The following GMDS variants were observed in gnomAD, a reference collection of about 807,000 sequenced individuals.
GMDS encodes the protein GDP-mannose 4,6 dehydratase.
A neutral mutation model predicts 49.9 loss-of-function variants in GMDS; 20 were observed. The ratio of observed to expected loss-of-function variants is 0.40; its 90% CI spans 0.28 to 0.58. GMDS has a LOEUF of 0.58. Ranked by LOEUF, GMDS falls within the 20% of genes least tolerant of loss-of-function variation. The pLI is 0.42. For synonymous variants in GMDS, 177 were observed against 178.6 expected, an observed-to-expected ratio of 0.99 and a Z score of 0.07; for missense variants, 362 against 481.4, an observed-to-expected ratio of 0.75 and a Z score of 2.32.
chr6:1,893,243 G>T lies in GMDS; in HGVS notation c.771+36860C>A, dbSNP rs558795963. Among the ~76,000 whole-genome samples the T allele has an allele frequency of 9.4e-5, 14 of 148,870 alleles. No homozygotes were observed. In the East Asian group the frequency reaches 2.7e-3, roughly 29 times the overall value. ...GAGTCTGACTCTGTCACCCAGGCTG[G>T]AGTGCAGTGGCGCGATGTCAGCTCA... is the stretch of plus-strand genomic sequence containing the variant. On this transcript the variant is annotated intron_variant, in intron 7 of 10. Coordinates refer to ENST00000380815, the MANE Select transcript of GMDS (RefSeq NM_001500.4).
chr6:1,955,017 T>C (rs1219416967), intron 6 of GMDS, among the ~76,000 whole-genome samples: 2 of 151,944 alleles, frequency 1.3e-5, no homozygotes, highest in Non-Finnish European at 2.9e-5. Flanking sequence ...GATATAATAA[T>C]AATCAGAAGT....
intron 4 of GMDS, among the ~76,000 whole-genome samples, chr6:2,033,369 A>G (rs930481265): frequency 4.6e-5 from 7 of 152,184 alleles, no homozygotes; most frequent in Non-Finnish European, 2.9e-5. Flanking sequence ...CATCTATCAT[A>G]TTAATTGATT....
chr6:2,163,419 ATGTG>A (rs553648208), intron 1 of GMDS, among the ~76,000 whole-genome samples: 1 of 146,630 alleles, frequency 6.8e-6, no homozygotes, highest in East Asian at 1.9e-4. Context: ...GTGTGTGTCT[ATGTG>A]TGTGTGTGTG....
Position 2,149,690 on chromosome 6 carries a change from A to C in GMDS, c.103-24959T>G, listed in dbSNP as rs75781129. ...GTGCATTTACAAAGAGGGCTTTAAA[A>C]AGCGTTAGAATAAATTACTTTGAAG... is the stretch of plus-strand genomic sequence containing the variant. On this transcript the variant is annotated intron_variant, in intron 1 of 10. Transcript: ENST00000380815. 4.1e-3 allele frequency among the ~76,000 whole-genome samples: 622 copies of C among 152,348 alleles called. 5 individuals carry two copies. Among genetic ancestry groups the C allele is most frequent in the African/African-American group, 0.014 (592 of 41,576 alleles).
chr6:2,039,737 C>T (rs1769539238), intron 4 of GMDS, among the ~76,000 whole-genome samples: 1 of 152,066 alleles, frequency 6.6e-6, no homozygotes, highest in Non-Finnish European at 1.5e-5. Context: ...AAGGAGCTGT[C>T]GTCTCCTATG....
At position 1,640,206 on chromosome 6, in the gene GMDS, T is replaced by C. The variant is rs973567233; in HGVS notation, c.988-15666A>G. Among the ~76,000 whole-genome samples the C allele has an allele frequency of 2.8e-4, 42 of 152,180 alleles. No individual in the cohort carries two copies. The highest frequency in any genetic ancestry group is 9.9e-4 in the African/African-American group (41 of 41,436). On this transcript the variant is annotated intron_variant, in intron 9 of 10. Transcript: ENST00000380815. The surrounding 1 kb of genome is among the most constrained non-coding windows in gnomAD (Gnocchi z 4.0). ...GCTCCCCCACATCACTCTTCAGTTCTAGCAATCTGCTGCCCTCCTCATGCA... is the reference window on the plus strand; with the variant it reads ...GCTCCCCCACATCACTCTTCAGTTCCAGCAATCTGCTGCCCTCCTCATGCA...
At chr6:1,681,605 T>C (rs1291825179) in intron 9 of GMDS, among the ~76,000 whole-genome samples, 3 of 152,198 alleles carry the variant, frequency 2.0e-5, no homozygotes, top group Non-Finnish European at 4.4e-5. Flanking sequence ...GCCAGCTCCC[T>C]GGCAGCCCCA....
At chr6:2,236,155 C>T (rs1418969630) in intron 1 of GMDS, among the ~76,000 whole-genome samples, 1 of 152,196 alleles carries the variant, frequency 6.6e-6, no homozygotes, top group African/African-American at 2.4e-5. Flanking sequence ...TGGGGTTTCC[C>T]AATCTCAGAT....
intron 4 of GMDS, among the ~76,000 whole-genome samples, chr6:2,087,830 A>G (rs1241974133): frequency 2.6e-5 from 4 of 152,158 alleles, no homozygotes; most frequent in African/African-American, 9.7e-5. Flanking sequence ...AGAATGTTAG[A>G]TTGAGTGAAG....
At chr6:1,765,715 G>A (rs1451297164) in intron 7 of GMDS, among the ~76,000 whole-genome samples, 2 of 152,100 alleles carry the variant, frequency 1.3e-5, no homozygotes, top group Non-Finnish European at 2.9e-5. Context: ...TAAATGAAAC[G>A]GCAGAAGCTT....
At chr6:1,811,515 T>C (rs1056439354) in intron 7 of GMDS, among the ~76,000 whole-genome samples, 1 of 151,906 alleles carries the variant, frequency 6.6e-6, no homozygotes, top group Non-Finnish European at 1.5e-5. Context: ...AGACACAAAA[T>C]CTTATTTGTA....
chr6:1,806,678 C>T lies in GMDS; in HGVS notation c.772-64092G>A, dbSNP rs540163941. Among the ~76,000 whole-genome samples, 6 of 152,296 alleles carry T rather than the reference C, an allele frequency of 3.9e-5. No homozygotes were observed. In the South Asian group the frequency reaches 1.2e-3, roughly 32 times the overall value. ...TCTAGGTTAGAATTTAGGATTCTTA[C>T]ATATCAAAATGAGAAAGAGGCTCTG... On this transcript the variant is annotated intron_variant, in intron 7 of 10. Coordinates refer to ENST00000380815, the MANE Select transcript of GMDS (RefSeq NM_001500.4).
intron 7 of GMDS, among the ~76,000 whole-genome samples, chr6:1,794,113 G>A (rs1769647669): frequency 6.6e-6 from 1 of 152,168 alleles, no homozygotes; most frequent in Non-Finnish European, 1.5e-5. Flanking sequence ...ATCTATCTGA[G>A]GAGTTTATCC....
At chr6:1,828,032 G>C (rs1013484763) in intron 7 of GMDS, among the ~76,000 whole-genome samples, 2 of 152,030 alleles carry the variant, frequency 1.3e-5, no homozygotes, top group African/African-American at 4.8e-5. Context: ...AAGATCTAGG[G>C]TAAGTCATGG....
chr6:1,889,946 T>G (rs1284031908), intron 7 of GMDS, among the ~76,000 whole-genome samples: 1 of 152,174 alleles, frequency 6.6e-6, no homozygotes, highest in Non-Finnish European at 1.5e-5. Flanking sequence ...CATTAGTGCT[T>G]TTTATGGTTG....
intron 4 of GMDS, among the ~76,000 whole-genome samples, chr6:2,094,844 A>G (rs1276441019): frequency 6.6e-6 from 1 of 152,224 alleles, no homozygotes; most frequent in African/African-American, 2.4e-5. Flanking sequence ...AGACCCCTGC[A>G]CTATATAAAA....
intron 4 of GMDS, among the ~76,000 whole-genome samples, chr6:2,102,919 G>A (rs930897666): frequency 3.3e-5 from 5 of 152,158 alleles, no homozygotes; most frequent in African/African-American, 7.2e-5. Flanking sequence ...TTTTCAAACC[G>A]CCTACACTAC....
At chr6:1,678,437 G>A (rs1420989735) in intron 9 of GMDS, among the ~76,000 whole-genome samples, 1 of 152,160 alleles carries the variant, frequency 6.6e-6, no homozygotes, top group Non-Finnish European at 1.5e-5. Context: ...TGGTTCCCTG[G>A]TGACCTTGAT....
intron 1 of GMDS, among the ~76,000 whole-genome samples, chr6:2,219,163 C>A (rs766847503): frequency 3.3e-5 from 5 of 152,058 alleles, no homozygotes; most frequent in Admixed American, 1.3e-4. Flanking sequence ...GGGGAGGTGG[C>A]GGACAGGCAT....
Sources: gnomAD v4.1 joint callset for allele counts (sites outside exome capture counted in the v4.1 genomes callset) on GRCh38, gnomAD v4.1.1 for gene constraint, Gnocchi (gnomAD v3.1) non-coding constraint, MANE v1.5 for transcripts, NCBI Gene and HGNC (gene_info 2026-07-23, HGNC 2026-07-21) for gene names.